The following GRTP1 variants were observed in gnomAD, a reference collection of about 807,000 sequenced individuals.
GRTP1 encodes growth hormone regulated TBC protein 1, also known as growth hormone-regulated TBC protein 1.
In GRTP1, 56 loss-of-function variants were observed where a neutral mutation model predicts 38.1. The ratio of observed to expected loss-of-function variants is 1.47; its 90% CI spans 1.19 to 1.84. The LOEUF is 1.84. Ranked by LOEUF, GRTP1 falls within the 40% of genes most tolerant of loss-of-function variation. The pLI, the probability that GRTP1 is intolerant of heterozygous loss-of-function variation, is 0.00. For synonymous variants in GRTP1, 217 were observed against 189.5 expected, an observed-to-expected ratio of 1.14 and a Z score of -1.19; for missense variants, 506 against 453.9, an observed-to-expected ratio of 1.11 and a Z score of -1.04.
At position 113,325,680 on chromosome 13, in the gene GRTP1, T is replaced by G; in HGVS notation, c.902A>C (p.Glu301Ala). 1 of 1,614,092 alleles carries G rather than the reference T, an allele frequency of 6.2e-7. No individual in the cohort carries two copies. The highest frequency in any genetic ancestry group is 8.5e-7 in the Non-Finnish European group (1 of 1,180,004). ...ACACACCTGCATAAACGTGTGACAC[T>G]CCATCACGAAACTCCCTTTGGTTAT... ...KQITKGSFVM[E>A]CHTFMQKIFS... is the part of the protein sequence containing the mutation. The change falls in exon 7 of 8, where the codon GAG becomes GCG. Residue 301 changes from glutamate to alanine, a missense_variant. Coordinates refer to ENST00000375431, the MANE Select transcript of GRTP1 (RefSeq NM_024719.4).
intron 2 of GRTP1, 40 bp from the exon 3 acceptor site, chr13:113,355,521 G>C (rs762837285): frequency 1.3e-6 from 2 of 1,546,646 alleles, no homozygotes; most frequent in South Asian, 2.4e-5. Flanking sequence ...AGCTGGACCA[G>C]GGGCCTGCGG....
rs977363841 is a variant in GRTP1, at chr13:113,355,496, G to A, written c.182-15C>T. On this transcript the variant is annotated splice_polypyrimidine_tract_variant and intron_variant, in intron 2 of 7. Transcript: ENST00000375431. Reference sequence around the variant, plus strand: ...ATAGCGCTTCACTGAAGGCCGAGAGGACGGACAGCGTGTGAGCTGGACCAG... The same window carrying A: ...ATAGCGCTTCACTGAAGGCCGAGAGAACGGACAGCGTGTGAGCTGGACCAG... The A allele has an allele frequency of 1.2e-6, 2 of 1,600,588 alleles. No homozygotes were observed. The highest frequency in any genetic ancestry group is 2.7e-5 in the African/African-American group (2 of 74,814).
intron 4 of GRTP1, among the ~76,000 whole-genome samples, chr13:113,345,489 C>T (rs1201173875): frequency 1.3e-5 from 2 of 152,238 alleles, no homozygotes; most frequent in East Asian, 3.8e-4. Context: ...TCGAGGGCAG[C>T]CCCAGACCCT....
At chr13:113,324,695 T>G (rs1187350980) in intron 7 of GRTP1, 118 bp from the exon 8 acceptor site, 1 of 1,473,530 alleles carries the variant, frequency 6.8e-7, no homozygotes, top group Non-Finnish European at 9.0e-7. Context: ...GCAGTCCACA[T>G]CCAAGGGCTT....
intron 3 of GRTP1, among the ~76,000 whole-genome samples, chr13:113,354,332 G>A (rs140504867): frequency 1.1e-4 from 16 of 152,174 alleles, no homozygotes; most frequent in African/African-American, 3.6e-4. Context: ...GCTCAGCCCC[G>A]TGGACAGGAG....
chr13:113,326,015 C>T lies in GRTP1; in HGVS notation c.639G>A (p.Pro213=), dbSNP rs370963142. 92 of 1,613,598 alleles carry T rather than the reference C, an allele frequency of 5.7e-5. No individual in the cohort carries two copies. The highest frequency in any genetic ancestry group is 2.8e-4 in the African/African-American group (21 of 74,898). ...GACGCTCCATCAGGGCCCCCACAGC[C>T]GGCAGCTTCGCCCGCACCAGCTCCC... The part of the protein sequence containing the change: ...VLGELVRAKL[P]AVGALMERLG... The change falls in exon 6 of 8, where the codon CCG becomes CCA. Residue 213 remains proline, a synonymous_variant. Coordinates refer to ENST00000375431, the MANE Select transcript of GRTP1 (RefSeq NM_024719.4).
chr13:113,363,886 C>T lies in GRTP1; in HGVS notation c.57G>A (p.Arg19=). Reference sequence around the variant, plus strand: ...AGGCGGCGTCGTCGAAGTCCTCAGGCCGCTCGAATCCGTACGGGTCGATCC... The same window carrying T: ...AGGCGGCGTCGTCGAAGTCCTCAGGTCGCTCGAATCCGTACGGGTCGATCC... The part of the protein sequence containing the change: ...VPRIDPYGFE[R]PEDFDDAAYE... Residue 19 remains arginine, a synonymous_variant, in exon 2 of 8, where the codon CGG becomes CGA. Transcript: ENST00000375431. 1.2e-6 allele frequency: 2 copies of T among 1,611,790 alleles called. No homozygotes were observed.
chr13:113,344,646 G>A (rs749055848), intron 5 of GRTP1, among the ~76,000 whole-genome samples: 2 of 137,000 alleles, frequency 1.5e-5, no homozygotes, highest in African/African-American at 2.7e-5. Flanking sequence ...CCGGGAGGCA[G>A]AGGTTCCAGT....
intron 5 of GRTP1, among the ~76,000 whole-genome samples, chr13:113,333,962 G>A (rs1566418843): frequency 6.6e-6 from 1 of 151,402 alleles, no homozygotes; most frequent in African/African-American, 2.4e-5. Context: ...AGCCTCCTGA[G>A]TAGCTGGGAT....
intron 2 of GRTP1, among the ~76,000 whole-genome samples, chr13:113,363,373 A>T (rs960436494): frequency 1.3e-5 from 2 of 151,794 alleles, no homozygotes; most frequent in Admixed American, 6.6e-5. Flanking sequence ...ACGCCCGGCT[A>T]ATTTTGTATT....
In GRTP1 at chr13:113,342,470, A is replaced by C. The variant is rs1595489782; in HGVS notation, c.562+2393T>G. Among the ~76,000 whole-genome samples the C allele has an allele frequency of 6.6e-6, 1 of 151,848 alleles. No homozygotes were observed. Among genetic ancestry groups the C allele is most frequent in the Admixed American group, 6.6e-5 (1 of 15,238 alleles). Reference sequence around the variant, plus strand: ...TTGCAGTGAGCCATTGTGCCACTGCACTCCAGCCTGGGCGACAGAGCGAGA... The same window carrying C: ...TTGCAGTGAGCCATTGTGCCACTGCCCTCCAGCCTGGGCGACAGAGCGAGA... On this transcript the variant is annotated intron_variant, in intron 5 of 7. Coordinates refer to ENST00000375431, the MANE Select transcript of GRTP1 (RefSeq NM_024719.4). The surrounding 1 kb of genome is among the most constrained non-coding windows in gnomAD (Gnocchi z 4.5).
intron 4 of GRTP1, among the ~76,000 whole-genome samples, chr13:113,346,920 G>A (rs796680514): frequency 1.3e-3 from 1 of 754 alleles, no homozygotes; most frequent in Non-Finnish European, 9.1e-3. Context: ...GAGCGGACCT[G>A]GGAGGACCTC....
At chr13:113,334,280 A>ACTGCCCCCCCCCCCCCCCCCCCCGC (rs1202504022) in intron 5 of GRTP1, among the ~76,000 whole-genome samples, 1 of 142,484 alleles carries the variant, frequency 7.0e-6, no homozygotes. Flanking sequence ...CACTGCCACG[A>ACTGCCCCCCCCCCCCCCCCCCCCGC]CAGCCTCCCG....
At chr13:113,332,259 A>T (rs983815215) in intron 5 of GRTP1, among the ~76,000 whole-genome samples, 1 of 150,678 alleles carries the variant, frequency 6.6e-6, no homozygotes, top group Non-Finnish European at 1.5e-5. Flanking sequence ...GTGCACACGC[A>T]CACCACACAC....
chr13:113,325,662 TGCATAAAC>T lies in GRTP1; in HGVS notation c.912_919del (p.Phe305GlufsTer50). 1 of 1,605,508 alleles carries T rather than the reference TGCATAAAC, an allele frequency of 6.2e-7. No homozygotes were observed. The highest frequency in any genetic ancestry group is 1.7e-4 in the Middle Eastern group (1 of 6,042). ...TGAGCCACGTGCAGCCCCACACACC[TGCATAAAC>T]GTGTGACACTCCATCACGAAACTCC... On this transcript the variant is annotated frameshift_variant and splice_region_variant, in exon 7 of 8. Coordinates refer to ENST00000375431, the MANE Select transcript of GRTP1 (RefSeq NM_024719.4). LOFTEE classifies it high-confidence loss of function.
intron 5 of GRTP1, among the ~76,000 whole-genome samples, chr13:113,331,936 C>G (rs956079812): frequency 3.3e-5 from 5 of 150,700 alleles, no homozygotes; most frequent in Admixed American, 1.3e-4. Context: ...AGATTACAGG[C>G]GTGACCCACC....
intron 5 of GRTP1, among the ~76,000 whole-genome samples, chr13:113,329,931 A>T (rs981273516): frequency 2.0e-5 from 3 of 152,272 alleles, no homozygotes; most frequent in Admixed American, 2.0e-4. Context: ...CTGGGCGCCC[A>T]GGTGGGCAGG....
In GRTP1 at chr13:113,325,788, A is replaced by C. The variant is rs201003049; in HGVS notation, c.794T>G (p.Val265Gly). Residue 265 changes from valine to glycine, a missense_variant, in exon 7 of 8, where the codon GTG (valine) becomes GGG (glycine). Val to Gly is a moderately radical substitution (Grantham distance 109). Coordinates refer to ENST00000375431, the MANE Select transcript of GRTP1 (RefSeq NM_024719.4). The stretch of plus-strand genomic sequence containing the variant: ...GTGCTGCTTAATTAAGGTCAGGGCC[A>C]CCCGGAAGATAATCTTCGAGCCTTC... ...FNEGSKIIFR[V>G]ALTLIKQHQE... 9.7e-5 allele frequency: 156 copies of C among 1,614,020 alleles called. No homozygotes were observed. The highest frequency in any genetic ancestry group is 1.2e-4 in the Non-Finnish European group (143 of 1,180,010).
At chr13:113,325,600 C>A in intron 7 of GRTP1, 61 bp downstream of exon 7, 2 of 1,612,060 alleles carry the variant, frequency 1.2e-6, no homozygotes, top group Non-Finnish European at 1.7e-6. Context: ...GAGCAGCCCC[C>A]GGGCTGCAGG....
Sources: gnomAD v4.1 joint callset for allele counts (sites outside exome capture counted in the v4.1 genomes callset) on GRCh38, gnomAD v4.1.1 for gene constraint, Gnocchi (gnomAD v3.1) non-coding constraint, MANE v1.5 for transcripts, NCBI Gene and HGNC (gene_info 2026-07-23, HGNC 2026-07-21) for gene names.